The following PCSK6 variants were observed in gnomAD, a reference collection of about 807,000 sequenced individuals.
PCSK6 encodes the protein paired basic amino acid cleaving enzyme 4.
In PCSK6, 85 loss-of-function variants were observed where a neutral mutation model predicts 123.3. The observed-to-expected ratio is 0.69, with a 90% CI of 0.58 to 0.83. The LOEUF (loss-of-function observed/expected upper bound fraction) is 0.83, where lower values mean the gene tolerates loss of function less well. Among genes scored for constraint, PCSK6 ranks in the 40% least tolerant of loss-of-function variants. PCSK6 has a pLI of 0.00. For synonymous variants in PCSK6, 508 were observed against 516.0 expected, an observed-to-expected ratio of 0.98 and a Z score of 0.21; for missense variants, 1,191 against 1,282.3, an observed-to-expected ratio of 0.93 and a Z score of 1.09.
intron 6 of PCSK6, among the ~76,000 whole-genome samples, chr15:101,424,996 G>A (rs1404964291): frequency 6.6e-6 from 1 of 152,212 alleles, no homozygotes; most frequent in African/African-American, 2.4e-5. Context: ...GAACCAACAA[G>A]GAAGATGGCA....
chr15:101,426,886 G>A (rs983070998), intron 6 of PCSK6, among the ~76,000 whole-genome samples: 5 of 152,136 alleles, frequency 3.3e-5, no homozygotes, highest in African/African-American at 4.8e-5. Context: ...GTGCCCCCCC[G>A]GGAAGGTGGT....
intron 1 of PCSK6, among the ~76,000 whole-genome samples, chr15:101,479,666 G>A (rs2047221): frequency 0.23 from 35,584 of 152,088 alleles, 4,487 homozygotes; most frequent in South Asian, 0.31. Context: ...TGAGCAGAAC[G>A]GTGTGGGGCA....
chr15:101,357,250 G>C (rs1177335487), intron 13 of PCSK6, among the ~76,000 whole-genome samples: 1 of 152,154 alleles, frequency 6.6e-6, no homozygotes, highest in African/African-American at 2.4e-5. Flanking sequence ...CTGGCACTGA[G>C]GCTGGTGGTG....
chr15:101,480,159 G>A (rs537758167), intron 1 of PCSK6, among the ~76,000 whole-genome samples: 1 of 152,320 alleles, frequency 6.6e-6, no homozygotes, highest in South Asian at 2.1e-4. Context: ...TGCTCCATTT[G>A]GGCTGTTTCT....
At chr15:101,368,486 T>G (rs1346392012) in intron 12 of PCSK6, among the ~76,000 whole-genome samples, 1 of 152,214 alleles carries the variant, frequency 6.6e-6, no homozygotes, top group East Asian at 1.9e-4. Flanking sequence ...GACTGGCTCC[T>G]GGGAGCCCAG....
intron 11 of PCSK6, among the ~76,000 whole-genome samples, chr15:101,376,451 T>A (rs2041745419): frequency 6.6e-6 from 1 of 152,206 alleles, no homozygotes; most frequent in East Asian, 1.9e-4. Flanking sequence ...ACCAATGATC[T>A]ATGTTAAATA....
intron 6 of PCSK6, among the ~76,000 whole-genome samples, chr15:101,423,009 A>C (rs1341617649): frequency 6.6e-6 from 1 of 151,818 alleles, no homozygotes; most frequent in Non-Finnish European, 1.5e-5. Context: ...AAATTACTAG[A>C]CATATGCAAA....
intron 1 of PCSK6, among the ~76,000 whole-genome samples, chr15:101,459,233 AGCCCCTACGT>A (rs1414594025): frequency 6.6e-6 from 1 of 152,158 alleles, no homozygotes; most frequent in Non-Finnish European, 1.5e-5. Flanking sequence ...CTTAGCTGAA[AGCCCCTACGT>A]GCCTGCACAG....
chr15:101,434,566 G>A (rs1163582561), intron 2 of PCSK6, among the ~76,000 whole-genome samples: 1 of 152,246 alleles, frequency 6.6e-6, no homozygotes, highest in Non-Finnish European at 1.5e-5. Flanking sequence ...AGTTCTGAGG[G>A]GGACTGTGAT....
chr15:101,368,778 G>A (rs1441166649), intron 12 of PCSK6, among the ~76,000 whole-genome samples: 3 of 152,170 alleles, frequency 2.0e-5, no homozygotes, highest in Admixed American at 1.3e-4. Context: ...GCTCAGCTCC[G>A]GCCCAGTGCA....
At position 101,426,415 on chromosome 15, in the gene PCSK6, C is replaced by T. The variant is rs924056084; in HGVS notation, c.823+1477G>A. On this transcript the variant is annotated intron_variant, in intron 6 of 21. Transcript: ENST00000611716. ...CCCGATTCTACAGATCCTGGAGAGA[C>T]GTCTCAGGGCTCTGCACCCATCATC... Among the ~76,000 whole-genome samples, 24 of 152,172 alleles carry T rather than the reference C, an allele frequency of 1.6e-4. No homozygotes were observed. The East Asian group carries it at 3.1e-3, about 20-fold the overall frequency.
intron 1 of PCSK6, among the ~76,000 whole-genome samples, chr15:101,463,463 T>G (rs1006716983): frequency 6.6e-6 from 1 of 152,216 alleles, no homozygotes; most frequent in Non-Finnish European, 1.5e-5. Context: ...GTGGTTTCTC[T>G]GAACTCCGCC....
chr15:101,353,476 C>A lies in PCSK6; in HGVS notation c.1858+12720G>T, dbSNP rs78163274. The stretch of plus-strand genomic sequence containing the variant: ...CCGGTAGGTGGGATGGGGACCCCTG[C>A]TCTTGTGGACTGGTCAAAGCAAGTT... On this transcript the variant is annotated intron_variant, in intron 13 of 21. Coordinates refer to ENST00000611716, the MANE Select transcript of PCSK6 (RefSeq NM_002570.5). Among the ~76,000 whole-genome samples the A allele has an allele frequency of 2.8e-3, 420 of 152,244 alleles. 1 individual carries two copies. The highest frequency in any genetic ancestry group is 9.6e-3 in the African/African-American group (400 of 41,560).
At chr15:101,488,625 AG>A (rs1208633398) in intron 1 of PCSK6, among the ~76,000 whole-genome samples, 1 of 152,150 alleles carries the variant, frequency 6.6e-6, no homozygotes, top group Non-Finnish European at 1.5e-5. Flanking sequence ...GGAGCTTGTC[AG>A]GGGAGCGACT....
Position 101,305,252 on chromosome 15 carries a change from G to A in PCSK6, c.*6C>T, listed in dbSNP as rs2141324657. On this transcript the variant is annotated 3_prime_UTR_variant, in exon 22 of 22. Coordinates refer to ENST00000611716, the MANE Select transcript of PCSK6 (RefSeq NM_002570.5). This position sits in a 1 kb window ranked among gnomAD's most constrained non-coding sequence, Gnocchi z 4.8. ...GTGCCTGCCCTCTGTGGGCAGCTAGGCACCCTTACCCGGCCAGGAGGCACG... is the reference window on the plus strand; with the variant it reads ...GTGCCTGCCCTCTGTGGGCAGCTAGACACCCTTACCCGGCCAGGAGGCACG... 1.2e-6 allele frequency: 2 copies of A among 1,606,842 alleles called. No individual in the cohort carries two copies. The highest frequency in any genetic ancestry group is 1.7e-6 in the Non-Finnish European group (2 of 1,177,304).
At chr15:101,319,152 T>A (rs527415939) in intron 18 of PCSK6, among the ~76,000 whole-genome samples, 17 of 152,336 alleles carry the variant, frequency 1.1e-4, no homozygotes, top group Admixed American at 3.3e-4. Context: ...GGTTTCTACA[T>A]CATAAAGTTG....
At chr15:101,451,275 C>T (rs889655815) in intron 1 of PCSK6, among the ~76,000 whole-genome samples, 2 of 150,536 alleles carry the variant, frequency 1.3e-5, no homozygotes, top group Non-Finnish European at 3.0e-5. Flanking sequence ...GAATCTACCC[C>T]AAATGACATC....
intron 13 of PCSK6, among the ~76,000 whole-genome samples, chr15:101,345,056 A>T (rs1268959205): frequency 6.6e-6 from 1 of 152,186 alleles, no homozygotes; most frequent in South Asian, 2.1e-4. Flanking sequence ...TGTGGGTTCT[A>T]GTTACACAGC....
Position 101,347,648 on chromosome 15 carries a change from T to C in PCSK6, c.1859-15617A>G, listed in dbSNP as rs545398147. 34 of 1,582,910 alleles carry C rather than the reference T, an allele frequency of 2.1e-5. No homozygotes were observed. In the African/African-American group the frequency reaches 4.0e-4, roughly 19 times the overall value. On this transcript the variant is annotated intron_variant, in intron 13 of 21. Transcript: ENST00000611716. ...GGGCGGGAGCTGAGAGATCCAGCTC[T>C]GGACTTCCAAAGGCAGCCAAAGTTC...
Sources: allele counts gnomAD v4.1 joint callset (sites outside exome capture counted in the v4.1 genomes callset), GRCh38; gene constraint gnomAD v4.1.1; non-coding constraint Gnocchi (gnomAD v3.1); transcripts MANE v1.5; gene names NCBI Gene and HGNC (gene_info 2026-07-23, HGNC 2026-07-21).